Variants in APC observed in about 807,000 individuals in gnomAD.
APC encodes the protein APC regulator of Wnt signaling pathway.
Under a neutral mutation model 247.0 loss-of-function variants are expected in APC, and 72 were observed. The ratio of observed to expected loss-of-function variants is 0.29; its 90% CI spans 0.24 to 0.35. The LOEUF is 0.35. APC is among the 10% of genes least tolerant of loss of function. APC has a pLI of 1.00. For missense variants in APC, 3,400 were observed against 3,360.7 expected, an observed-to-expected ratio of 1.01 and a Z score of -0.29; for synonymous variants, 1,254 against 1,162.5, an observed-to-expected ratio of 1.08 and a Z score of -1.60.
chr5:112,778,551 T>A (rs562312548), intron 5 of APC: 133 of 41,658 alleles, frequency 3.2e-3, no homozygotes, highest in African/African-American at 7.2e-3. Context: ...ACGTAACTTA[T>A]TTTTTTTTTT....
chr5:112,840,662 A>C lies in APC; in HGVS notation c.5068A>C (p.Ile1690Leu), dbSNP rs201142277. The C allele has an allele frequency of 6.2e-7, 1 of 1,614,008 alleles. No homozygotes were observed. Among genetic ancestry groups the C allele is most frequent in the African/African-American group, 1.3e-5 (1 of 75,052 alleles). ...AGGTGAATTTGAAAAACGAGATACC[A>C]TTCCTACAGAAGGCAGAAGTACAGA... ...QSGEFEKRDT[I>L]PTEGRSTDEA... The change falls in exon 16 of 16, where the codon ATT becomes CTT. Residue 1690 changes from isoleucine to leucine, a missense_variant. Coordinates refer to ENST00000257430, the MANE Select transcript of APC (RefSeq NM_000038.6). The surrounding 1 kb of genome is among the most constrained non-coding windows in gnomAD (Gnocchi z 4.1).
chr5:112,736,110 CA>C (rs1443431904), upstream of APC, among the ~76,000 whole-genome samples: 23 of 152,094 alleles, frequency 1.5e-4, no homozygotes, highest in Non-Finnish European at 7.4e-5. Context: ...CTGAATTTGT[CA>C]CAAAAAATGA....
chr5:112,749,457 GAT>G (rs2149716983), intron 1 of APC, among the ~76,000 whole-genome samples: 1 of 148,704 alleles, frequency 6.7e-6, no homozygotes, highest in South Asian at 2.1e-4. Context: ...GGAGGGGAAA[GAT>G]ATTAATACTT....
intron 6 of APC, among the ~76,000 whole-genome samples, chr5:112,785,826 A>G (rs1209777564): frequency 6.6e-6 from 1 of 152,186 alleles, no homozygotes; most frequent in Non-Finnish European, 1.5e-5. Context: ...AAGAAAAGTT[A>G]TAGGTTGATT....
At chr5:112,725,491 C>A (rs886234975) in intron 1 of APC, among the ~76,000 whole-genome samples, 1 of 152,040 alleles carries the variant, frequency 6.6e-6, no homozygotes, top group Non-Finnish European at 1.5e-5. Flanking sequence ...CAGTGGCTCA[C>A]GCCTGTAATC....
chr5:112,819,054 A>G lies in APC; in HGVS notation c.1022A>G (p.Gln341Arg), dbSNP rs1366524821. 6.2e-7 allele frequency: 1 copy of G among 1,614,102 alleles called. No homozygotes were observed. Among genetic ancestry groups the G allele is most frequent in the East Asian group, 2.2e-5 (1 of 44,876 alleles). Residue 341 changes from glutamine to arginine, a missense_variant, in exon 10 of 16, where the codon CAA becomes CGA. Physicochemically the swap from Gln to Arg is conservative, Grantham distance 43. Around this residue, in one of 9 missense-constraint regions of APC, gnomAD observed 199 missense variants for 212.5 expected, o/e 0.94. Transcript: ENST00000257430. The stretch of plus-strand genomic sequence containing the variant: ...ACTTTGCTAGCTATGTCTAGCTCCC[A>G]AGACAGCTGTATATCCATGCGACAG... ...SRTLLAMSSS[Q>R]DSCISMRQSG...
chr5:112,836,525 T>C (rs1764966091), intron 15 of APC, among the ~76,000 whole-genome samples: 1 of 152,142 alleles, frequency 6.6e-6, no homozygotes, highest in Non-Finnish European at 1.5e-5. Flanking sequence ...TAAAGCTGAA[T>C]ATGCTGTCAT....
intron 7 of APC, among the ~76,000 whole-genome samples, chr5:112,798,609 T>A (rs1760456288): frequency 1.3e-5 from 2 of 152,324 alleles, no homozygotes; most frequent in South Asian, 4.1e-4. Context: ...TTGGAGAAGT[T>A]GTAAAGCAAC....
intron 2 of APC, among the ~76,000 whole-genome samples, chr5:112,765,582 C>T (rs1156388644): frequency 6.6e-6 from 1 of 152,144 alleles, no homozygotes; most frequent in Non-Finnish European, 1.5e-5. Flanking sequence ...TTCAGGAAAC[C>T]TGATTGGCCA....
rs376624613 is a variant in APC at position 112,841,165 on chromosome 5, A to C, written c.5571A>C (p.Ser1857=). The change falls in exon 16 of 16, where the codon TCA becomes TCC. Residue 1857 remains serine, a synonymous_variant. Coordinates refer to ENST00000257430, the MANE Select transcript of APC (RefSeq NM_000038.6). The surrounding 1 kb of genome is among the most constrained non-coding windows in gnomAD (Gnocchi z 4.6). The stretch of plus-strand genomic sequence containing the variant: ...TTGAAGGAACTCCTTACTGTTTTTC[A>C]CGAAATGATTCTTTGAGTTCTCTAG... ...TPIEGTPYCF[S]RNDSLSSLDF... is the part of the protein sequence containing the mutation. 6.8e-6 allele frequency: 11 copies of C among 1,613,838 alleles called. No individual in the cohort carries two copies. Among genetic ancestry groups the C allele is most frequent in the African/African-American group, 1.3e-5 (1 of 74,912 alleles).
chr5:112,794,242 G>GACTA (rs1160484960), intron 7 of APC, among the ~76,000 whole-genome samples: 1 of 152,034 alleles, frequency 6.6e-6, no homozygotes, highest in Non-Finnish European at 1.5e-5. Context: ...CACCATGCCT[G>GACTA]ACTAATTTTT....
Position 112,837,703 on chromosome 5 carries a change from A to C in APC, c.2109A>C (p.Ala703=), listed in dbSNP as rs1561574950. ...AGGAAGCATTATGGGACATGGGGGC[A>C]GTTAGCATGCTCAAGAACCTCATTC... ...KDQEALWDMG[A]VSMLKNLIHS... The change falls in exon 16 of 16, where the codon GCA becomes GCC. Residue 703 remains alanine (A), a synonymous_variant. Transcript: ENST00000257430. 1 of 1,614,208 alleles carries C rather than the reference A, an allele frequency of 6.2e-7. No homozygotes were observed.
At chr5:112,803,889 G>A (rs181955911) in intron 8 of APC, among the ~76,000 whole-genome samples, 1 of 152,088 alleles carries the variant, frequency 6.6e-6, no homozygotes, top group African/African-American at 2.4e-5. Context: ...ACATGAATCT[G>A]ATTATATCAC....
In APC at chr5:112,838,621, T is replaced by C. The variant is rs938418357; in HGVS notation, c.3027T>C (p.His1009=). The C allele has an allele frequency of 3.7e-6, 6 of 1,614,010 alleles. No homozygotes were observed. The highest frequency in any genetic ancestry group is 1.3e-5 in the African/African-American group (1 of 74,910). The change falls in exon 16 of 16, where the codon CAT becomes CAC. Residue 1009 remains histidine (H), a synonymous_variant. Coordinates refer to ENST00000257430, the MANE Select transcript of APC (RefSeq NM_000038.6). ...CAGCCGACCTAGCCCATAAAATACATAGTGCAAATCATATGGATGATAATG... is the reference window on the plus strand; with the variant it reads ...CAGCCGACCTAGCCCATAAAATACACAGTGCAAATCATATGGATGATAATG... ...QYPADLAHKI[H]SANHMDDNDG...
intron 2 of APC, among the ~76,000 whole-genome samples, chr5:112,765,882 C>T (rs546288844): frequency 1.3e-5 from 2 of 152,154 alleles, no homozygotes; most frequent in East Asian, 3.9e-4. Context: ...TATATAAAAG[C>T]TTGAATGTTG....
chr5:112,775,697 A>T lies in APC; in HGVS notation c.491A>T (p.Asn164Ile). ...GACTGGTATTACGCTCAACTTCAGAATCTCACTAAAAGAATAGATAGTCTT... is the reference window on the plus strand; with the variant it reads ...GACTGGTATTACGCTCAACTTCAGATTCTCACTAAAAGAATAGATAGTCTT... ...EKDWYYAQLQ[N>I]LTKRIDSLPL... Residue 164 changes from asparagine to isoleucine, a missense_variant, in exon 5 of 16, where the codon AAT (asparagine) becomes ATT (isoleucine). Physicochemically the swap from Asn to Ile is moderately radical, Grantham distance 149. Around this residue, in one of 9 missense-constraint regions of APC, gnomAD observed 372 missense variants for 367.6 expected, o/e 1.01. Coordinates refer to ENST00000257430, the MANE Select transcript of APC (RefSeq NM_000038.6). The T allele has an allele frequency of 6.2e-7, 1 of 1,605,664 alleles. No individual in the cohort carries two copies. Among genetic ancestry groups the T allele is most frequent in the Non-Finnish European group, 8.5e-7 (1 of 1,175,780 alleles).
intron 13 of APC, among the ~76,000 whole-genome samples, chr5:112,828,371 A>G (rs1763936922): frequency 1.3e-5 from 2 of 151,942 alleles, no homozygotes; most frequent in African/African-American, 4.8e-5. Context: ...AGATAGTTCC[A>G]TTAACACTAG....
chr5:112,787,006 G>T (rs1227254379), intron 6 of APC, among the ~76,000 whole-genome samples: 3 of 150,392 alleles, frequency 2.0e-5, no homozygotes, highest in Non-Finnish European at 4.4e-5. Context: ...TTGTGCCTCA[G>T]GCTCCCAAGT....
Position 112,740,856 on chromosome 5 carries a change from T to C in APC, c.-19+2931T>C, listed in dbSNP as rs73791446. Among the ~76,000 whole-genome samples the C allele has an allele frequency of 7.9e-3, 1,201 of 152,292 alleles. 15 individuals carry two copies. The highest frequency in any genetic ancestry group is 0.027 in the African/African-American group (1,122 of 41,566). ...TTTGCATTAATTGCTCTGTAGATTT[T>C]ACCATTTTTGTCTGTTTTATAAACT... On this transcript the variant is annotated intron_variant, in intron 1 of 15. Transcript: ENST00000257430.
Sources: gnomAD v4.1 joint callset for allele counts (sites outside exome capture counted in the v4.1 genomes callset) on GRCh38, gnomAD v4.1.1 for gene constraint, gnomAD v4.1.1 regional missense constraint, Gnocchi (gnomAD v3.1) non-coding constraint, MANE v1.5 for transcripts, NCBI Gene and HGNC (gene_info 2026-07-23, HGNC 2026-07-21) for gene names.